The following UPP2 variants were observed in gnomAD, a reference collection of about 807,000 sequenced individuals.
UPP2 encodes UPase 2.
In UPP2, 23 loss-of-function variants were observed where a neutral mutation model predicts 26.7. The observed-to-expected ratio is 0.86, with a 90% CI of 0.62 to 1.22. The LOEUF (loss-of-function observed/expected upper bound fraction) is 1.22. Ranked by LOEUF, UPP2 falls within the 50% of genes most tolerant of loss-of-function variation. UPP2 has a pLI of 0.00. For synonymous variants in UPP2, 127 were observed against 141.3 expected (o/e 0.90, Z 0.72); for missense variants, 387 against 396.7 (o/e 0.98, Z 0.21).
intron 2 of UPP2, among the ~76,000 whole-genome samples, chr2:157,997,774 A>C (rs969595161): frequency 1.3e-5 from 2 of 152,176 alleles, no homozygotes; most frequent in African/African-American, 4.8e-5. Context: ...GATCATTGCT[A>C]GGAAAACCTT....
intron 2 of UPP2, among the ~76,000 whole-genome samples, chr2:158,003,217 G>A (rs1683436098): frequency 2.0e-5 from 3 of 152,106 alleles, no homozygotes; most frequent in South Asian, 2.1e-4. Context: ...AGGTGTCAGA[G>A]CATGATGGGG....
chr2:158,024,190 A>G (rs770504823), intron 3 of UPP2, among the ~76,000 whole-genome samples: 7 of 152,176 alleles, frequency 4.6e-5, no homozygotes, highest in Non-Finnish European at 8.8e-5. Context: ...CATATTTTTT[A>G]AAATATGGGA....
At chr2:158,022,583 CA>C (rs1683769738) in intron 3 of UPP2, among the ~76,000 whole-genome samples, 1 of 151,984 alleles carries the variant, frequency 6.6e-6, no homozygotes, top group Admixed American at 6.6e-5. Flanking sequence ...AAATTGACAC[CA>C]CACAATAGTT....
chr2:158,100,221 A>G (rs1327442837), upstream of UPP2, among the ~76,000 whole-genome samples: 1 of 152,210 alleles, frequency 6.6e-6, no homozygotes, highest in Non-Finnish European at 1.5e-5. Flanking sequence ...CTTCATCCAA[A>G]TGACAATTAC....
At chr2:157,998,071 G>T (rs116797692) in intron 2 of UPP2, among the ~76,000 whole-genome samples, 1 of 152,136 alleles carries the variant, frequency 6.6e-6, no homozygotes, top group Admixed American at 6.5e-5. Flanking sequence ...ATGGATATGG[G>T]TGTACTTAGT....
At chr2:158,101,533 C>A (rs938259915), upstream of UPP2, among the ~76,000 whole-genome samples, 1 of 152,152 alleles carries the variant, frequency 6.6e-6, no homozygotes, top group African/African-American at 2.4e-5. Flanking sequence ...TGGCGAGGGG[C>A]TGGATGGAGA....
At chr2:158,087,288 T>A (rs772107936) in intron 3 of UPP2, among the ~76,000 whole-genome samples, 5 of 152,200 alleles carry the variant, frequency 3.3e-5, no homozygotes, top group Non-Finnish European at 7.4e-5. Context: ...GTTTGTTTGG[T>A]CTGATATAAG....
chr2:157,999,473 C>T (rs1222883976), intron 2 of UPP2, among the ~76,000 whole-genome samples: 1 of 152,178 alleles, frequency 6.6e-6, no homozygotes, highest in Non-Finnish European at 1.5e-5. Context: ...ACACCTCACC[C>T]AGCCTATTTG....
At chr2:157,995,293 C>T in intron 2 of UPP2, 1 of 1,604,050 alleles carries the variant, frequency 6.2e-7, no homozygotes, top group Non-Finnish European at 8.5e-7. Context: ...ACATTCATGT[C>T]TAAGCACATG....
chr2:158,056,718 C>A (rs200971182), intron 3 of UPP2, among the ~76,000 whole-genome samples: 1 of 152,154 alleles, frequency 6.6e-6, no homozygotes, highest in African/African-American at 2.4e-5. Context: ...CTTAGAAGGA[C>A]GGCAGTCGTA....
At chr2:158,025,126 C>T (rs764077541) in intron 3 of UPP2, among the ~76,000 whole-genome samples, 5 of 148,480 alleles carry the variant, frequency 3.4e-5, no homozygotes, top group Admixed American at 1.4e-4. Context: ...CGCTTGAACC[C>T]GGGAGGTGGA....
At chr2:158,088,827 G>A (rs1682860135) in intron 3 of UPP2, among the ~76,000 whole-genome samples, 1 of 152,202 alleles carries the variant, frequency 6.6e-6, no homozygotes, top group Non-Finnish European at 1.5e-5. Flanking sequence ...GTCCTGTGAT[G>A]TGGACCGTCT....
intron 3 of UPP2, among the ~76,000 whole-genome samples, chr2:158,033,575 G>A (rs1220382118): frequency 2.0e-5 from 3 of 152,176 alleles, no homozygotes; most frequent in Admixed American, 2.0e-4. Context: ...AGAGGCTGGG[G>A]AATGGGCGGT....
intron 3 of UPP2, among the ~76,000 whole-genome samples, chr2:158,093,271 TACACACACACAC>T (rs57028617): frequency 2.1e-4 from 29 of 137,518 alleles, no homozygotes; most frequent in South Asian, 9.4e-4. Context: ...AAAAGAAACA[TACACACACACAC>T]ACACACACAC....
intron 3 of UPP2, among the ~76,000 whole-genome samples, chr2:158,116,612 G>C (rs1325817302): frequency 1.3e-5 from 2 of 152,168 alleles, no homozygotes; most frequent in Non-Finnish European, 2.9e-5. Flanking sequence ...GTGTGAAAGA[G>C]AGCACAAGTC....
rs530172521 is a variant in UPP2 at position 158,066,905 on chromosome 2, C to A, written c.148-35135C>A. Among the ~76,000 whole-genome samples the A allele has an allele frequency of 1.6e-3, 245 of 152,086 alleles. 1 individual carries two copies. Among genetic ancestry groups the A allele is most frequent in the Admixed American group, 3.0e-3 (46 of 15,276 alleles). Reference sequence around the variant, plus strand: ...TCTTGTGCAGAGCATGTGGGATATGCCCTTTAATTTAGTAAAATATTTTTT... The same window carrying A: ...TCTTGTGCAGAGCATGTGGGATATGACCTTTAATTTAGTAAAATATTTTTT... On this transcript the variant is annotated intron_variant, in intron 3 of 9. Coordinates refer to the UPP2 transcript ENST00000605860.
intron 2 of UPP2, among the ~76,000 whole-genome samples, chr2:157,998,915 T>A (rs77985623): frequency 0.042 from 6,377 of 152,242 alleles, 422 homozygotes; most frequent in African/African-American, 0.14. Flanking sequence ...TCAAACTTTG[T>A]TCCTGTCCTC....
At chr2:158,014,375 G>A (rs529224998) in intron 2 of UPP2, among the ~76,000 whole-genome samples, 2 of 152,314 alleles carry the variant, frequency 1.3e-5, no homozygotes, top group Admixed American at 6.5e-5. Flanking sequence ...GGAGCAGTGG[G>A]TCTGTAGAAC....
intron 2 of UPP2, among the ~76,000 whole-genome samples, chr2:158,007,629 CTT>C (rs201694046): frequency 5.7e-4 from 81 of 142,552 alleles, no homozygotes; most frequent in African/African-American, 9.1e-4. Context: ...CTCTCTCTCT[CTT>C]TTTTTTTTTT....
Sources: gnomAD v4.1 joint callset for allele counts (sites outside exome capture counted in the v4.1 genomes callset) on GRCh38, gnomAD v4.1.1 for gene constraint, MANE v1.5 for transcripts, NCBI Gene and HGNC (gene_info 2026-07-23, HGNC 2026-07-21) for gene names.